Variants in SMIM14 observed in about 807,000 individuals in gnomAD.
The protein encoded by SMIM14 is small integral membrane protein 14, also known as chromosome 4 open reading frame 34.
A neutral mutation model predicts 12.6 loss-of-function variants in SMIM14; 5 were observed. The ratio of observed to expected loss-of-function variants is 0.40; its 90% CI spans 0.21 to 0.83. SMIM14 has a LOEUF of 0.83. Ranked by LOEUF, SMIM14 falls within the 40% of genes least tolerant of loss-of-function variation. The pLI, the probability that SMIM14 is intolerant of heterozygous loss-of-function variation, is 0.37. For missense variants in SMIM14, 86 were observed against 119.1 expected, an observed-to-expected ratio of 0.72 and a Z score of 1.29; for synonymous variants, 30 against 40.1, an observed-to-expected ratio of 0.75 and a Z score of 0.95.
chr4:39,625,533 C>T (rs534817733), intron 1 of SMIM14, among the ~76,000 whole-genome samples: 4 of 152,082 alleles, frequency 2.6e-5, no homozygotes, highest in Admixed American at 1.3e-4. Context: ...CCTCCACCTC[C>T]CGGGTTCCAG....
At chr4:39,565,940 T>G (rs1163863504) in intron 3 of SMIM14, among the ~76,000 whole-genome samples, 3 of 151,910 alleles carry the variant, frequency 2.0e-5, no homozygotes, top group Non-Finnish European at 2.9e-5. Flanking sequence ...ACTGCCACCA[T>G]GTAAGACATG....
intron 1 of SMIM14, among the ~76,000 whole-genome samples, chr4:39,606,344 T>TAA (rs76951176): frequency 7.9e-6 from 1 of 126,606 alleles, no homozygotes. Flanking sequence ...AGTTCATGTT[T>TAA]AAAAAAAAAA....
chr4:39,563,992 A>G (rs527734245), intron 3 of SMIM14, among the ~76,000 whole-genome samples: 1 of 152,074 alleles, frequency 6.6e-6, no homozygotes, highest in Admixed American at 6.6e-5. Context: ...CAGTGGCACC[A>G]TCTTGGCTCA....
At chr4:39,584,481 CAAAAAAAA>C (rs554273493) in intron 2 of SMIM14, among the ~76,000 whole-genome samples, 1 of 27,616 alleles carries the variant, frequency 3.6e-5, no homozygotes, top group Non-Finnish European at 1.0e-4. Context: ...GACACTGTCT[CAAAAAAAA>C]AAAAAAAAAA....
chr4:39,567,645 G>C (rs1712649029), intron 3 of SMIM14, among the ~76,000 whole-genome samples: 1 of 152,104 alleles, frequency 6.6e-6, no homozygotes, highest in Non-Finnish European at 1.5e-5. Flanking sequence ...GCTGAGGCAG[G>C]AGAATCGCTT....
At chr4:39,598,955 G>T (rs987269524) in intron 2 of SMIM14, among the ~76,000 whole-genome samples, 2 of 151,720 alleles carry the variant, frequency 1.3e-5, no homozygotes, top group African/African-American at 4.9e-5. Flanking sequence ...TTTGTTTCTC[G>T]TATGTGCTAG....
chr4:39,632,406 GGAGGCAGAGGTTGCAGTGAGCAGA>G (rs1715934468), intron 1 of SMIM14, among the ~76,000 whole-genome samples: 1 of 150,590 alleles, frequency 6.6e-6, no homozygotes, highest in Admixed American at 6.7e-5. Flanking sequence ...CTTGAACCCG[GGAGGCAGAGGTTGCAGTGAGCAGA>G]GATCGGGCCA....
intron 4 of SMIM14, among the ~76,000 whole-genome samples, chr4:39,554,469 G>A (rs1486664218): frequency 2.0e-5 from 3 of 152,096 alleles, no homozygotes; most frequent in African/African-American, 7.2e-5. Flanking sequence ...TTAGCCAGAT[G>A]TGGTGGCGTG....
intron 1 of SMIM14, among the ~76,000 whole-genome samples, chr4:39,637,610 AAAGTT>A (rs201579445): frequency 2.6e-5 from 4 of 152,074 alleles, no homozygotes; most frequent in Admixed American, 2.0e-4. Flanking sequence ...AAAAAAAAAA[AAAGTT>A]AGGACAAAAA....
Position 39,584,801 on chromosome 4 carries a change from A to AAAAAAAAAG in SMIM14, c.76-12339_76-12338insCTTTTTTTT, listed in dbSNP as rs1483137849. Reference sequence around the variant, plus strand: ...ATCAAGCAGGACCTTGTCAAAAAAAAAAAAAAAAAAGAAAAAAGAAAAAAA... The same window carrying AAAAAAAAAG: ...ATCAAGCAGGACCTTGTCAAAAAAAAAAAAAAAAGAAAAAAAAAAGAAAAAAGAAAAAAA... On this transcript the variant is annotated intron_variant, in intron 2 of 4. Transcript: ENST00000295958. 1.8e-4 allele frequency among the ~76,000 whole-genome samples: 26 copies of AAAAAAAAAG among 147,452 alleles called. 1 individual carries two copies. Among genetic ancestry groups the AAAAAAAAAG allele is most frequent in the African/African-American group, 6.3e-4 (25 of 39,632 alleles).
At chr4:39,590,610 T>C (rs575355889) in intron 2 of SMIM14, among the ~76,000 whole-genome samples, 3 of 151,952 alleles carry the variant, frequency 2.0e-5, no homozygotes, top group East Asian at 3.9e-4. Flanking sequence ...GAGACCAGCA[T>C]GGCCAACAAG....
chr4:39,580,327 G>A (rs6839009), intron 2 of SMIM14, among the ~76,000 whole-genome samples: 19,914 of 151,768 alleles, frequency 0.13, 1,932 homozygotes, highest in South Asian at 0.32. Flanking sequence ...CCACAGATGC[G>A]TGCCACCAAC....
chr4:39,556,902 C>T (rs1215900593), intron 3 of SMIM14, among the ~76,000 whole-genome samples: 1 of 152,198 alleles, frequency 6.6e-6, no homozygotes, highest in Non-Finnish European at 1.5e-5. Context: ...ATCCTCTCAC[C>T]TCAGCCTCCT....
chr4:39,582,120 C>T (rs1382385448), intron 2 of SMIM14, among the ~76,000 whole-genome samples: 19 of 151,662 alleles, frequency 1.3e-4, no homozygotes, highest in Non-Finnish European at 7.4e-5. Flanking sequence ...ATCTGCCCGC[C>T]TCGGCCTCCC....
At chr4:39,631,889 A>T (rs1385372542) in intron 1 of SMIM14, among the ~76,000 whole-genome samples, 1 of 151,924 alleles carries the variant, frequency 6.6e-6, no homozygotes, top group Admixed American at 6.6e-5. Context: ...TACAAAGCTG[A>T]GACACATCTG....
chr4:39,550,107 C>T lies in SMIM14; in HGVS notation c.*2019G>A, dbSNP rs892292792. The stretch of plus-strand genomic sequence containing the variant: ...GAGACTATTAAACAGTACAATGATA[C>T]AGAGAATTTATTCAATTCATACAAG... On this transcript the variant is annotated 3_prime_UTR_variant, in exon 5 of 5. Coordinates refer to ENST00000295958, the MANE Select transcript of SMIM14 (RefSeq NM_174921.3). The T allele has an allele frequency of 3.3e-5, 5 of 151,968 alleles. No homozygotes were observed. Among genetic ancestry groups the T allele is most frequent in the Non-Finnish European group, 7.4e-5 (5 of 68,010 alleles). 9.4% of individuals were successfully genotyped at this position (151,968 alleles called of 1,614,324 possible).
intron 3 of SMIM14, among the ~76,000 whole-genome samples, chr4:39,571,262 A>G (rs952322987): frequency 2.0e-5 from 3 of 152,140 alleles, no homozygotes; most frequent in Non-Finnish European, 4.4e-5. Flanking sequence ...CACACATGGA[A>G]AAGAATGGCC....
At chr4:39,593,686 T>TAG (rs1714220718) in intron 2 of SMIM14, 1 of 151,834 alleles carries the variant, frequency 6.6e-6, no homozygotes, top group Non-Finnish European at 1.5e-5. Context: ...CTTAAGCTGA[T>TAG]AAGCAACTTC....
At chr4:39,635,068 GTCT>G (rs1305174915) in intron 1 of SMIM14, among the ~76,000 whole-genome samples, 3 of 152,326 alleles carry the variant, frequency 2.0e-5, no homozygotes, top group East Asian at 3.9e-4. Context: ...AGATTGGTCA[GTCT>G]CCTTGAAGAG....
Sources: gnomAD v4.1 joint callset for allele counts (sites outside exome capture counted in the v4.1 genomes callset) on GRCh38, gnomAD v4.1.1 for gene constraint, MANE v1.5 for transcripts, NCBI Gene and HGNC (gene_info 2026-07-23, HGNC 2026-07-21) for gene names.